ARHGAP40: variants seen among roughly 807,000 people sequenced by gnomAD.
The protein encoded by ARHGAP40 is Rho GTPase activating protein 40.
A neutral mutation model predicts 73.5 loss-of-function variants in ARHGAP40; 43 were observed. The ratio of observed to expected loss-of-function variants is 0.58; its 90% CI spans 0.46 to 0.75. The LOEUF (loss-of-function observed/expected upper bound fraction) is 0.75, where lower values mean the gene tolerates loss of function less well. Among genes scored for constraint, ARHGAP40 ranks in the 30% least tolerant of loss-of-function variants. The pLI is 0.00. For missense variants in ARHGAP40, 734 were observed against 861.8 expected (o/e 0.85, Z 1.86); for synonymous variants, 300 against 352.8 (o/e 0.85, Z 1.68).
At chr20:38,635,280 C>CA (rs1286639248) in intron 6 of ARHGAP40, among the ~76,000 whole-genome samples, 4 of 152,064 alleles carry the variant, frequency 2.6e-5, no homozygotes, top group Non-Finnish European at 5.9e-5. Flanking sequence ...GAGTAAAATA[C>CA]AAAAAGGAAA....
rs1057035425 is a variant in ARHGAP40, at chr20:38,631,483, G to T, written c.783+1833G>T. On this transcript the variant is annotated intron_variant, in intron 5 of 14. Coordinates refer to ENST00000373345, the Ensembl canonical transcript of ARHGAP40. Reference sequence around the variant, plus strand: ...CAGCAGACAAGAGAAGAGAGCTTGTGCAGGGAATCTCCCCTTTTTAAAACC... The same window carrying T: ...CAGCAGACAAGAGAAGAGAGCTTGTTCAGGGAATCTCCCCTTTTTAAAACC... Among the ~76,000 whole-genome samples, 176 of 152,104 alleles carry T rather than the reference G, an allele frequency of 1.2e-3. 2 individuals are homozygous for T. Among genetic ancestry groups the T allele is most frequent in the Non-Finnish European group, 1.5e-5 (1 of 68,032 alleles).
At chr20:38,620,964 G>T (rs573163029) in intron 1 of ARHGAP40, among the ~76,000 whole-genome samples, 1 of 152,188 alleles carries the variant, frequency 6.6e-6, no homozygotes, top group Admixed American at 6.5e-5. Context: ...TTCAAACATT[G>T]TTAAGAATTT....
chr20:38,648,975 A>G lies in ARHGAP40; in HGVS notation c.1936+277A>G, dbSNP rs220525. Among the ~76,000 whole-genome samples, 105,446 of 152,158 alleles carry G rather than the reference A, an allele frequency of 0.69. 37,798 individuals are homozygous for G. Among genetic ancestry groups the G allele is most frequent in the African/African-American group, 0.89 (36,990 of 41,546 alleles). On this transcript the variant is annotated intron_variant, in intron 14 of 14. Coordinates refer to ENST00000373345, the Ensembl canonical transcript of ARHGAP40. ...GAAGATTTGTTTAGTGTGAAGGTTC[A>G]CAGTAGCACCAGTGAAACCGACGCC...
chr20:38,634,758 A>C (rs1568609643), exon 6 of ARHGAP40: 1 of 1,298,978 alleles, frequency 7.7e-7, no homozygotes, highest in East Asian at 5.6e-5. Flanking sequence ...CCTGAAGAGG[A>C]GCAAGGCGGG....
intron 3 of ARHGAP40, 58 bp from the exon 4 acceptor site, chr20:38,628,869 G>A (rs773816327): frequency 1.7e-5 from 21 of 1,223,962 alleles, no homozygotes; most frequent in Admixed American, 2.4e-5. Context: ...TCCCAGGGTT[G>A]TGTGAGCATT....
intron 10 of ARHGAP40, among the ~76,000 whole-genome samples, chr20:38,642,321 A>G (rs220532): frequency 2.0e-5 from 3 of 152,118 alleles, no homozygotes; most frequent in African/African-American, 7.2e-5. Context: ...GAATGGATGC[A>G]GGGCCTTGGC....
At chr20:38,648,823 C>A in intron 14 of ARHGAP40, 125 bp downstream of exon 14, 1 of 680,534 alleles carries the variant, frequency 1.5e-6, no homozygotes, top group Non-Finnish European at 2.2e-6. Flanking sequence ...CCCTTCAGGT[C>A]TCTGTCTTCA....
At chr20:38,645,170 A>G (rs1225494650) in intron 11 of ARHGAP40, among the ~76,000 whole-genome samples, 1 of 150,372 alleles carries the variant, frequency 6.7e-6, no homozygotes, top group Non-Finnish European at 1.5e-5. Flanking sequence ...TTCTAAGGGC[A>G]GAAGCCTGGT....
chr20:38,647,035 G>A, exon 13 of ARHGAP40: 1 of 1,305,504 alleles, frequency 7.7e-7, no homozygotes. Context: ...CAGCACCAAA[G>A]TGGCCCACGT....
At chr20:38,606,704 T>C (rs907213935) in intron 1 of ARHGAP40, among the ~76,000 whole-genome samples, 12 of 152,204 alleles carry the variant, frequency 7.9e-5, no homozygotes, top group African/African-American at 2.9e-4. Context: ...ACTTGGCTGA[T>C]TGCACACAGA....
rs576607899 is a variant in ARHGAP40, at chr20:38,618,855, G to A, written c.138-4504G>A. Among the ~76,000 whole-genome samples, 3 of 152,288 alleles carry A rather than the reference G, an allele frequency of 2.0e-5. No individual in the cohort carries two copies. The East Asian group carries it at 5.8e-4, about 29-fold the overall frequency. On this transcript the variant is annotated intron_variant, in intron 1 of 14. Coordinates refer to ENST00000373345, the Ensembl canonical transcript of ARHGAP40. ...GCTCGACCTCTGCTGTGTCCTCTTA[G>A]CTGAAGCTGTCACAGCCTGACAGAT...
intron 3 of ARHGAP40, among the ~76,000 whole-genome samples, chr20:38,628,418 C>T (rs2088916493): frequency 6.6e-6 from 1 of 152,138 alleles, no homozygotes. Context: ...CGTTCTCCTG[C>T]CTCAGCCTGC....
chr20:38,607,700 T>A (rs1005629703), intron 1 of ARHGAP40, among the ~76,000 whole-genome samples: 8 of 152,172 alleles, frequency 5.3e-5, no homozygotes, highest in African/African-American at 1.9e-4. Flanking sequence ...CTTCCCAAAT[T>A]GACCAGCAGA....
chr20:38,603,451 A>ATCTATCTATCTATCTATCTATCTATCTG (rs1555889756), intron 1 of ARHGAP40, among the ~76,000 whole-genome samples: 2 of 150,012 alleles, frequency 1.3e-5, no homozygotes, highest in Admixed American at 1.3e-4. Context: ...CTATCTATCT[A>ATCTATCTATCTATCTATCTATCTATCTG]TCTATCTATC....
At chr20:38,650,391 A>G in exon 15 of ARHGAP40, 1 of 471,158 alleles carries the variant, frequency 2.1e-6, no homozygotes, top group Non-Finnish European at 4.4e-6. Flanking sequence ...CAGCAGCACC[A>G]GAGACAAAAC....
intron 11 of ARHGAP40, among the ~76,000 whole-genome samples, chr20:38,644,628 ACCCACCCACC>A (rs2089040376): frequency 2.0e-5 from 1 of 50,670 alleles, no homozygotes; most frequent in African/African-American, 7.8e-5. Flanking sequence ...CCACCCACTC[ACCCACCCACC>A]TATCCCCCCC....
chr20:38,606,272 G>A (rs2088770233), intron 1 of ARHGAP40, among the ~76,000 whole-genome samples: 2 of 152,042 alleles, frequency 1.3e-5, no homozygotes, highest in Non-Finnish European at 2.9e-5. Flanking sequence ...TTCTCTTTTG[G>A]TTGCTATTAT....
chr20:38,620,303 C>T (rs969443251), intron 1 of ARHGAP40, among the ~76,000 whole-genome samples: 1 of 152,304 alleles, frequency 6.6e-6, no homozygotes, highest in Middle Eastern at 3.4e-3. Flanking sequence ...TCGTTCTCTT[C>T]CTAGAAGGGG....
rs538513424 is a variant in ARHGAP40, at chr20:38,604,900, G to A, written c.137+2821G>A. On this transcript the variant is annotated intron_variant, in intron 1 of 14. Coordinates refer to ENST00000373345, the Ensembl canonical transcript of ARHGAP40. ...AAAATCAGCTTATAATAATATCACCGTTACCTCTTTTGTTTATTGAGAAGA... is the reference window on the plus strand; with the variant it reads ...AAAATCAGCTTATAATAATATCACCATTACCTCTTTTGTTTATTGAGAAGA... 1.5e-4 allele frequency among the ~76,000 whole-genome samples: 22 copies of A among 150,758 alleles called. No individual in the cohort carries two copies. In the South Asian group the frequency reaches 3.1e-3, roughly 22 times the overall value.
Sources: gnomAD v4.1 joint callset for allele counts (sites outside exome capture counted in the v4.1 genomes callset) on GRCh38, gnomAD v4.1.1 for gene constraint, MANE v1.5 for transcripts, NCBI Gene and HGNC (gene_info 2026-07-23, HGNC 2026-07-21) for gene names.